PIBF1: variants seen among roughly 807,000 people sequenced by gnomAD.
PIBF1 encodes the protein progesterone-induced-blocking factor 1.
A neutral mutation model predicts 112.5 loss-of-function variants in PIBF1; 90 were observed. That is an observed-to-expected ratio of 0.80 (90% confidence interval 0.67 to 0.95). The LOEUF is 0.95. PIBF1 is among the 40% of genes least tolerant of loss of function. The pLI is 0.00. For synonymous variants in PIBF1, 301 were observed against 288.6 expected, an observed-to-expected ratio of 1.04 and a Z score of -0.44; for missense variants, 915 against 852.3, an observed-to-expected ratio of 1.07 and a Z score of -0.92.
rs771586896 is a variant in PIBF1, at chr13:72,893,869, G to C, written c.1408G>C (p.Val470Leu). ...SKLKSFESERVQLLQEETARN... is the reference protein window; with the variant it reads ...SKLKSFESERLQLLQEETARN... ...ATTAAAATCTTTTGAAAGTGAGCGT[G>C]TTCAACTTCTGCAAGAGGAAACAGC... Residue 470 changes from valine to leucine, a missense_variant, in exon 11 of 18, where the codon GTT (valine) becomes CTT (leucine). Val to Leu is a conservative substitution (Grantham distance 32, BLOSUM62 1). Coordinates refer to ENST00000326291, the MANE Select transcript of PIBF1 (RefSeq NM_006346.4). 33 of 1,606,598 alleles carry C rather than the reference G, an allele frequency of 2.1e-5. No homozygotes were observed. In the Admixed American group the frequency reaches 5.4e-4, roughly 26 times the overall value.
chr13:72,893,161 G>T (rs2040127051), intron 10 of PIBF1, among the ~76,000 whole-genome samples: 1 of 152,082 alleles, frequency 6.6e-6, no homozygotes, highest in Admixed American at 6.5e-5. Context: ...TTTATAGTAT[G>T]TGGTGATTTA....
intron 14 of PIBF1, among the ~76,000 whole-genome samples, chr13:72,935,626 T>C (rs2041848045): frequency 6.6e-6 from 1 of 152,222 alleles, no homozygotes; most frequent in African/African-American, 2.4e-5. Context: ...CTAAACTGTT[T>C]CCCAGATGTT....
intron 10 of PIBF1, among the ~76,000 whole-genome samples, chr13:72,886,565 G>T (rs1389626582): frequency 1.3e-5 from 2 of 151,688 alleles, no homozygotes; most frequent in African/African-American, 4.8e-5. Flanking sequence ...TCACATACCT[G>T]TAGTACCTAT....
At chr13:72,931,717 C>CATATATATAT (rs1414425546) in intron 14 of PIBF1, among the ~76,000 whole-genome samples, 1 of 24,406 alleles carries the variant, frequency 4.1e-5, no homozygotes, top group African/African-American at 1.2e-4. Flanking sequence ...ATTTAAACTA[C>CATATATATAT]GTATATATAT....
intron 5 of PIBF1, among the ~76,000 whole-genome samples, chr13:72,815,993 A>G (rs1369945930): frequency 6.6e-6 from 1 of 152,228 alleles, no homozygotes; most frequent in Non-Finnish European, 1.5e-5. Flanking sequence ...TATTTGGGTC[A>G]ATGCCTGTTG....
intron 17 of PIBF1, among the ~76,000 whole-genome samples, chr13:73,010,810 C>CGTTTTTTTTTTTTTTTT (rs2044174374): frequency 2.5e-5 from 1 of 40,280 alleles, no homozygotes; most frequent in African/African-American, 9.6e-5. Context: ...ATTAACTTTT[C>CGTTTTTTTTTTTTTTTT]TTTTTTTTTT....
intron 13 of PIBF1, among the ~76,000 whole-genome samples, chr13:72,929,855 T>C (rs1037142525): frequency 6.6e-6 from 1 of 152,098 alleles, no homozygotes; most frequent in Non-Finnish European, 1.5e-5. Context: ...TATTTAACAC[T>C]ATTTATTATT....
intron 10 of PIBF1, among the ~76,000 whole-genome samples, chr13:72,874,791 G>A (rs1330923090): frequency 6.6e-6 from 1 of 152,032 alleles, no homozygotes. Context: ...AGCAGTTTTG[G>A]GTTCACTGCA....
chr13:72,890,764 A>C (rs1566410757), intron 10 of PIBF1, among the ~76,000 whole-genome samples: 1 of 152,184 alleles, frequency 6.6e-6, no homozygotes, highest in Admixed American at 6.5e-5. Flanking sequence ...TTATATTAGC[A>C]AAACAAGTTA....
rs555841745 is a variant in PIBF1 at position 72,791,964 on chromosome 13, G to T, written c.253-483G>T. Among the ~76,000 whole-genome samples the T allele has an allele frequency of 4.0e-5, 6 of 151,240 alleles. No homozygotes were observed. In the South Asian group the frequency reaches 1.3e-3, roughly 32 times the overall value. The stretch of plus-strand genomic sequence containing the variant: ...TAAATTTTTGATAGCATTTTTTAAA[G>T]GTAAGATAGAGGAATATAAATTTGG... On this transcript the variant is annotated intron_variant, in intron 2 of 17. Coordinates refer to ENST00000326291, the MANE Select transcript of PIBF1 (RefSeq NM_006346.4).
At chr13:72,954,785 CT>C in intron 14 of PIBF1, among the ~76,000 whole-genome samples, 1 of 151,728 alleles carries the variant, frequency 6.6e-6, no homozygotes, top group East Asian at 1.9e-4. Context: ...TTTTTCAGTT[CT>C]TCTGTTAAAT....
intron 17 of PIBF1, among the ~76,000 whole-genome samples, chr13:73,015,517 AATATC>A (rs1301018350): frequency 6.6e-6 from 1 of 152,034 alleles, no homozygotes; most frequent in Non-Finnish European, 1.5e-5. Flanking sequence ...TGAGTGAATG[AATATC>A]TATTATCTAT....
intron 12 of PIBF1, among the ~76,000 whole-genome samples, chr13:72,913,512 T>C (rs1488599640): frequency 6.6e-6 from 1 of 152,188 alleles, no homozygotes; most frequent in African/African-American, 2.4e-5. Flanking sequence ...GCACAGTGGC[T>C]CATGCCTTTA....
chr13:72,878,481 A>G (rs992935084), intron 10 of PIBF1, among the ~76,000 whole-genome samples: 2 of 152,122 alleles, frequency 1.3e-5, no homozygotes, highest in African/African-American at 4.8e-5. Flanking sequence ...GTTTAATTAC[A>G]TTATGGTTTG....
At chr13:72,931,768 AATC>A (rs1566463210) in intron 14 of PIBF1, among the ~76,000 whole-genome samples, 1 of 131,898 alleles carries the variant, frequency 7.6e-6, no homozygotes, top group East Asian at 2.4e-4. Context: ...TAGCATTTTT[AATC>A]ATCTTCTGAT....
chr13:72,924,363 A>C (rs899681647), intron 13 of PIBF1, among the ~76,000 whole-genome samples: 1 of 152,042 alleles, frequency 6.6e-6, no homozygotes, highest in Non-Finnish European at 1.5e-5. Flanking sequence ...AGGTGCTGCA[A>C]CTTCGGAGTA....
intron 14 of PIBF1, among the ~76,000 whole-genome samples, chr13:72,960,025 A>G (rs1408202626): frequency 2.0e-5 from 3 of 152,212 alleles, no homozygotes; most frequent in Admixed American, 6.5e-5. Context: ...GTTTATTTCA[A>G]ACATGGAATT....
intron 16 of PIBF1, 148 bp downstream of exon 16, chr13:72,973,823 AC>A (rs2042958336): frequency 1.8e-6 from 1 of 550,662 alleles, no homozygotes; most frequent in South Asian, 2.8e-5. Flanking sequence ...TTTTTATTCA[AC>A]TTTTGATATA....
intron 2 of PIBF1, among the ~76,000 whole-genome samples, chr13:72,790,421 TCACACACA>T (rs57599910): frequency 0.037 from 4,993 of 135,562 alleles, 243 homozygotes; most frequent in Admixed American, 0.16. Flanking sequence ...GAGGAGTCCA[TCACACACA>T]CACACACACA....
Sources: allele counts gnomAD v4.1 joint callset (sites outside exome capture counted in the v4.1 genomes callset), GRCh38; gene constraint gnomAD v4.1.1; transcripts MANE v1.5; gene names NCBI Gene and HGNC (gene_info 2026-07-23, HGNC 2026-07-21).